Variants in MEI4 observed in about 807,000 individuals in gnomAD.
The protein encoded by MEI4 is meiosis-specific protein MEI4.
A neutral mutation model predicts 31.4 loss-of-function variants in MEI4; 27 were observed. The observed-to-expected ratio is 0.86, with a 90% CI of 0.63 to 1.19. MEI4 has a LOEUF of 1.19. Ranked by LOEUF, MEI4 falls within the 50% of genes most tolerant of loss-of-function variation. The probability of loss-of-function intolerance (pLI) is 0.00; values close to 1 mark genes in which losing one functional copy is unlikely to be tolerated. For synonymous variants in MEI4, 122 were observed against 145.4 expected, an observed-to-expected ratio of 0.84 and a Z score of 1.16; for missense variants, 329 against 398.9, an observed-to-expected ratio of 0.82 and a Z score of 1.49.
intron 3 of MEI4, among the ~76,000 whole-genome samples, chr6:77,792,574 C>T (rs1561990549): frequency 6.6e-6 from 1 of 152,072 alleles, no homozygotes; most frequent in Non-Finnish European, 1.5e-5. Context: ...TGGAACATTT[C>T]TCCTATGTTT....
chr6:77,734,969 C>G (rs904008945), intron 2 of MEI4, among the ~76,000 whole-genome samples: 1 of 152,008 alleles, frequency 6.6e-6, no homozygotes, highest in Non-Finnish European at 1.5e-5. Context: ...GGCCCCCACT[C>G]TCTTCTGGCT....
At chr6:77,772,554 A>C (rs1291479948) in intron 3 of MEI4, among the ~76,000 whole-genome samples, 2 of 151,980 alleles carry the variant, frequency 1.3e-5, no homozygotes, top group Non-Finnish European at 2.9e-5. Context: ...TGGATATATT[A>C]ATAGAAGTAA....
intron 2 of MEI4, among the ~76,000 whole-genome samples, chr6:77,748,147 G>C (rs574962387): frequency 6.6e-6 from 1 of 152,296 alleles, no homozygotes; most frequent in South Asian, 2.1e-4. Flanking sequence ...GGATCTGGGG[G>C]ACAGTAGCCC....
intron 4 of MEI4, among the ~76,000 whole-genome samples, chr6:77,912,609 A>T (rs760889018): frequency 6.6e-6 from 1 of 151,974 alleles, no homozygotes; most frequent in Admixed American, 6.6e-5. Context: ...TATCTTTCTC[A>T]ATAAGTTGGT....
intron 1 of MEI4, among the ~76,000 whole-genome samples, chr6:77,661,721 A>G (rs867832072): frequency 5.3e-5 from 8 of 152,148 alleles, no homozygotes; most frequent in South Asian, 4.1e-4. Flanking sequence ...TGACGACAGA[A>G]TAGAATGGAC....
At chr6:77,683,977 T>C (rs577023451) in intron 1 of MEI4, among the ~76,000 whole-genome samples, 2 of 152,290 alleles carry the variant, frequency 1.3e-5, no homozygotes, top group South Asian at 4.1e-4. Context: ...CCGTAGATGT[T>C]GTACTAATTT....
chr6:77,809,263 G>A (rs1769513688), intron 3 of MEI4, among the ~76,000 whole-genome samples: 1 of 152,190 alleles, frequency 6.6e-6, no homozygotes, highest in East Asian at 1.9e-4. Flanking sequence ...ACAGGGTCAA[G>A]TAATAGAGAA....
chr6:77,907,553 G>T (rs546673742), intron 4 of MEI4, among the ~76,000 whole-genome samples: 2 of 151,688 alleles, frequency 1.3e-5, no homozygotes, highest in African/African-American at 2.4e-5. Flanking sequence ...GACATTTGGC[G>T]TGGTTCCAAG....
intron 2 of MEI4, among the ~76,000 whole-genome samples, chr6:77,734,372 A>T (rs1194352690): frequency 1.3e-5 from 2 of 151,978 alleles, no homozygotes; most frequent in African/African-American, 2.4e-5. Flanking sequence ...TGTTGAATTG[A>T]TCTCTTTACC....
intron 4 of MEI4, among the ~76,000 whole-genome samples, chr6:77,913,025 T>C (rs1325800224): frequency 6.6e-6 from 1 of 152,142 alleles, no homozygotes; most frequent in Non-Finnish European, 1.5e-5. Flanking sequence ...TATGAAAAGA[T>C]GTTGAATGTA....
chr6:77,710,251 A>G (rs1039529425), intron 2 of MEI4, among the ~76,000 whole-genome samples: 19 of 152,070 alleles, frequency 1.2e-4, no homozygotes, highest in African/African-American at 4.6e-4. Context: ...AGGTATGAAA[A>G]ATAAAGTGTT....
chr6:77,882,690 G>T (rs1771518026), intron 4 of MEI4, among the ~76,000 whole-genome samples: 1 of 152,084 alleles, frequency 6.6e-6, no homozygotes, highest in African/African-American at 2.4e-5. Context: ...ACCAGGAAGG[G>T]TTTTGTGGAA....
intron 4 of MEI4, among the ~76,000 whole-genome samples, chr6:77,841,314 CATATATAT>C (rs1315994932): frequency 7.7e-5 from 4 of 51,922 alleles, no homozygotes; most frequent in Non-Finnish European, 1.2e-4. Flanking sequence ...CAAATGTGTG[CATATATAT>C]ATATATATAT....
At chr6:77,697,191 A>C (rs1411745513) in intron 2 of MEI4, among the ~76,000 whole-genome samples, 1 of 151,874 alleles carries the variant, frequency 6.6e-6, no homozygotes, top group Non-Finnish European at 1.5e-5. Flanking sequence ...CGGTCTATCA[A>C]TTTTGTTGAT....
rs577443416 is a variant in MEI4, at chr6:77,861,219, A to G, written c.900+32157A>G. Among the ~76,000 whole-genome samples, 9 of 152,326 alleles carry G rather than the reference A, an allele frequency of 5.9e-5. No homozygotes were observed. In the South Asian group the frequency reaches 1.7e-3, roughly 28 times the overall value. On this transcript the variant is annotated intron_variant, in intron 4 of 4. Coordinates refer to ENST00000684080, the MANE Select transcript of MEI4 (RefSeq NM_001322247.2). Reference sequence around the variant, plus strand: ...TTGGAGAGGCTTAGATTGGAAGGGAATTATAGGTTGGTACAAAAGTACTGG... The same window carrying G: ...TTGGAGAGGCTTAGATTGGAAGGGAGTTATAGGTTGGTACAAAAGTACTGG...
intron 2 of MEI4, among the ~76,000 whole-genome samples, chr6:77,699,893 G>C (rs553720392): frequency 6.6e-6 from 1 of 151,926 alleles, no homozygotes; most frequent in Non-Finnish European, 1.5e-5. Context: ...GCAGAACAGC[G>C]GTGGCTGTAG....
chr6:77,842,135 C>G (rs118036102), intron 4 of MEI4, among the ~76,000 whole-genome samples: 4,220 of 152,168 alleles, frequency 0.028, 73 homozygotes, highest in Middle Eastern at 0.065. Flanking sequence ...AATTCATAGT[C>G]TTTTCAAGGG....
At chr6:77,801,218 T>C (rs1326462870) in intron 3 of MEI4, among the ~76,000 whole-genome samples, 1 of 152,196 alleles carries the variant, frequency 6.6e-6, no homozygotes, top group Non-Finnish European at 1.5e-5. Context: ...GGTTTAGTCT[T>C]GGGAGGGCGT....
intron 4 of MEI4, among the ~76,000 whole-genome samples, chr6:77,892,932 T>C (rs1765999827): frequency 6.6e-6 from 1 of 151,988 alleles, no homozygotes; most frequent in Non-Finnish European, 1.5e-5. Flanking sequence ...AAACTTTACA[T>C]GCTAGTCTCA....
Sources: gnomAD v4.1 joint callset for allele counts (sites outside exome capture counted in the v4.1 genomes callset) on GRCh38, gnomAD v4.1.1 for gene constraint, MANE v1.5 for transcripts, NCBI Gene and HGNC (gene_info 2026-07-23, HGNC 2026-07-21) for gene names.